Variants in VPS53 observed in about 807,000 individuals in gnomAD.
VPS53 encodes the protein VPS53 subunit of GARP complex, also known as vacuolar protein sorting-associated protein 53 homolog.
A neutral mutation model predicts 107.0 loss-of-function variants in VPS53; 70 were observed. The ratio of observed to expected loss-of-function variants is 0.65; its 90% CI spans 0.54 to 0.80. The LOEUF is 0.80. Ranked by LOEUF, VPS53 falls within the 30% of genes least tolerant of loss-of-function variation. The pLI, the probability that VPS53 is intolerant of heterozygous loss-of-function variation, is 0.00. For synonymous variants in VPS53, 409 were observed against 393.3 expected, an observed-to-expected ratio of 1.04 and a Z score of -0.47; for missense variants, 917 against 1,049.4, an observed-to-expected ratio of 0.87 and a Z score of 1.74.
intron 1 of VPS53, 104 bp downstream of exon 1, chr17:714,519 G>A (rs1973774443): frequency 8.9e-7 from 1 of 1,122,292 alleles, no homozygotes; most frequent in African/African-American, 1.6e-5. Flanking sequence ...CTTCTGCCGC[G>A]AGCCCCCGGC....
rs187678688 is a variant in VPS53, at chr17:566,336, A to T, written c.1314-3591T>A. 9.4e-4 allele frequency among the ~76,000 whole-genome samples: 143 copies of T among 152,132 alleles called. 2 individuals carry two copies. Among genetic ancestry groups the T allele is most frequent in the African/African-American group, 3.4e-3 (140 of 41,498 alleles). On this transcript the variant is annotated intron_variant, in intron 13 of 21. Transcript: ENST00000437048. ...ATTCCAGAATCCTTCTTGAGACAGC[A>T]CTCCAGCCAGTCACCTCTATCAACT...
Position 571,546 on chromosome 17 carries a change from C to CCTCCCT in VPS53, c.1314-8802_1314-8801insAGGGAG, listed in dbSNP as rs1398615647. ...CCTCTCCCTACGGTCTCCCTCTCCCCACGGTCTCCCTCTCCCTCTCTTTCC... is the reference window on the plus strand; with the variant it reads ...CCTCTCCCTACGGTCTCCCTCTCCCCCTCCCTACGGTCTCCCTCTCCCTCTCTTTCC... On this transcript the variant is annotated intron_variant, in intron 13 of 21. Coordinates refer to ENST00000437048, the MANE Select transcript of VPS53 (RefSeq NM_001128159.3). Among the ~76,000 whole-genome samples the CCTCCCT allele has an allele frequency of 5.2e-3, 593 of 114,380 alleles. 2 individuals carry two copies. The highest frequency in any genetic ancestry group is 0.017 in the Middle Eastern group (4 of 240). 75.0% of individuals were successfully genotyped at this position (114,380 alleles called of 152,430 possible).
intron 11 of VPS53, among the ~76,000 whole-genome samples, chr17:611,197 A>G (rs769346139): frequency 8.5e-5 from 13 of 152,134 alleles, no homozygotes; most frequent in Non-Finnish European, 1.3e-4. Flanking sequence ...TATTTTTAGT[A>G]CAGACGGGGT....
intron 3 of VPS53, 134 bp from the exon 4 acceptor site, chr17:697,618 G>A (rs1973025712): frequency 1.4e-6 from 1 of 712,316 alleles, no homozygotes. Context: ...CCAAACATGT[G>A]TGAGTGGCAT....
At chr17:558,460 G>A (rs1257286934) in intron 15 of VPS53, among the ~76,000 whole-genome samples, 4 of 150,924 alleles carry the variant, frequency 2.7e-5, no homozygotes, top group African/African-American at 9.8e-5. Flanking sequence ...AGTGAAACCC[G>A]GCCTCTACTA....
intron 13 of VPS53, among the ~76,000 whole-genome samples, chr17:571,641 T>C (rs1914099258): frequency 6.6e-6 from 1 of 152,228 alleles, no homozygotes; most frequent in South Asian, 2.1e-4. Flanking sequence ...GCAACCTCCC[T>C]GCCTGATTCT....
chr17:675,255 G>T (rs908760643), intron 4 of VPS53: 3 of 152,178 alleles, frequency 2.0e-5, no homozygotes, highest in Non-Finnish European at 4.4e-5. Context: ...TGAAAAAAAA[G>T]TTTAAATTTC....
intron 13 of VPS53, among the ~76,000 whole-genome samples, chr17:566,244 C>T (rs576959558): frequency 2.3e-4 from 35 of 152,018 alleles, no homozygotes; most frequent in Admixed American, 2.3e-3. Context: ...CCTATCTTCT[C>T]CCATCCTGGG....
At chr17:669,302 C>T (rs143196917) in intron 4 of VPS53, among the ~76,000 whole-genome samples, 2,364 of 152,110 alleles carry the variant, frequency 0.016, 24 homozygotes, top group Middle Eastern at 0.031. Flanking sequence ...AAAATAAAAA[C>T]GTGGTTGGCC....
intron 13 of VPS53, among the ~76,000 whole-genome samples, chr17:584,147 C>T (rs1186119511): frequency 6.6e-6 from 1 of 152,260 alleles, no homozygotes; most frequent in Non-Finnish European, 1.5e-5. Context: ...CGCTGTTGCT[C>T]TCCCCATGGG....
intron 1 of VPS53, among the ~76,000 whole-genome samples, 188 bp from the exon 2 acceptor site, chr17:710,801 G>A (rs1001534456): frequency 6.6e-6 from 1 of 151,976 alleles, no homozygotes; most frequent in African/African-American, 2.4e-5. Flanking sequence ...ACTTGGCTGG[G>A]TGTGGTGTTG....
At chr17:641,545 C>T (rs1970424585) in intron 7 of VPS53, among the ~76,000 whole-genome samples, 1 of 152,196 alleles carries the variant, frequency 6.6e-6, no homozygotes, top group Admixed American at 6.5e-5. Flanking sequence ...CTCAACCTCC[C>T]AGGGTTAAGT....
intron 4 of VPS53, among the ~76,000 whole-genome samples, chr17:688,755 T>C (rs1025664243): frequency 3.1e-4 from 47 of 152,150 alleles, no homozygotes; most frequent in Admixed American, 2.9e-3. Flanking sequence ...TAAGAAATCC[T>C]GGTTGGGAAA....
At chr17:681,649 T>G (rs901280281) in intron 4 of VPS53, among the ~76,000 whole-genome samples, 3 of 151,432 alleles carry the variant, frequency 2.0e-5, no homozygotes, top group Admixed American at 6.6e-5. Context: ...CCCAACTCTT[T>G]GTCTATTTAG....
intron 7 of VPS53, among the ~76,000 whole-genome samples, chr17:645,546 T>G (rs1399770040): frequency 1.3e-5 from 2 of 152,246 alleles, no homozygotes; most frequent in Non-Finnish European, 2.9e-5. Flanking sequence ...TTTTGTTGCC[T>G]AGGACTTTGG....
chr17:556,546 GT>G lies in VPS53; in HGVS notation c.1705-3085del, dbSNP rs1035409449. ...TAACATCGTTCTGTGGTTTGATTGT[GT>G]TCTCCAAAGTTTATGGGTTATAAGC... is the stretch of plus-strand genomic sequence containing the variant. On this transcript the variant is annotated intron_variant, in intron 15 of 21. Transcript: ENST00000437048. 1.9e-4 allele frequency among the ~76,000 whole-genome samples: 29 copies of G among 152,172 alleles called. 1 individual carries two copies.
chr17:680,590 A>G (rs1972354081), intron 4 of VPS53, among the ~76,000 whole-genome samples: 1 of 152,216 alleles, frequency 6.6e-6, no homozygotes, highest in South Asian at 2.1e-4. Flanking sequence ...TCCAACGTCT[A>G]TTTTCTGGCA....
intron 2 of VPS53, among the ~76,000 whole-genome samples, chr17:706,634 G>A (rs1973412581): frequency 1.3e-5 from 2 of 151,942 alleles, no homozygotes; most frequent in Admixed American, 1.3e-4. Flanking sequence ...AGACTATGAA[G>A]TCTGTGTTGG....
intron 15 of VPS53, among the ~76,000 whole-genome samples, chr17:559,740 A>G (rs1382131658): frequency 6.6e-6 from 1 of 152,252 alleles, no homozygotes; most frequent in South Asian, 2.1e-4. Context: ...GAAGAGCAGA[A>G]CCTTTCCAAA....
Sources: gnomAD v4.1 joint callset for allele counts (sites outside exome capture counted in the v4.1 genomes callset) on GRCh38, gnomAD v4.1.1 for gene constraint, MANE v1.5 for transcripts, NCBI Gene and HGNC (gene_info 2026-07-23, HGNC 2026-07-21) for gene names.